The following DDX20 variants were observed in gnomAD, a reference collection of about 807,000 sequenced individuals.
DDX20 encodes the protein DEAD-box helicase 20.
In DDX20, 61 loss-of-function variants were observed where a neutral mutation model predicts 76.4. The observed-to-expected ratio is 0.80, with a 90% CI of 0.65 to 0.99. The LOEUF (loss-of-function observed/expected upper bound fraction) is 0.99. DDX20 is among the 50% of genes least tolerant of loss of function. The pLI is 0.00. For missense variants in DDX20, 976 were observed against 996.8 expected, an observed-to-expected ratio of 0.98 and a Z score of 0.28; for synonymous variants, 357 against 357.4, an observed-to-expected ratio of 1.00 and a Z score of 0.01.
intron 10 of DDX20, among the ~76,000 whole-genome samples, chr1:111,764,355 AAATAT>A (rs1243817382): frequency 6.6e-6 from 1 of 152,248 alleles, no homozygotes; most frequent in Non-Finnish European, 1.5e-5. Flanking sequence ...GTTATTGAAT[AAATAT>A]AATTGAGTAT....
chr1:111,766,156 C>T lies in DDX20; in HGVS notation c.1732C>T (p.Leu578=), dbSNP rs1663774253. ...TGTGTCACTCCCCCAGATTCCTTGT[C>T]TGTCTTCCTTTAAAATCCATCAGCC... ...LPVSLPQIPC[L]SSFKIHQPYT... The change falls in exon 11 of 11, where the codon CTG becomes TTG. Residue 578 remains leucine, a synonymous_variant. Coordinates refer to ENST00000369702, the MANE Select transcript of DDX20 (RefSeq NM_007204.5). 6.2e-7 allele frequency: 1 copy of T among 1,614,214 alleles called. No individual in the cohort carries two copies. The highest frequency in any genetic ancestry group is 8.5e-7 in the Non-Finnish European group (1 of 1,180,034).
rs1329134565 is a variant in DDX20, at chr1:111,756,242, G to A, written c.301+17G>A. 3.6e-6 allele frequency: 5 copies of A among 1,398,336 alleles called. No homozygotes were observed. Among genetic ancestry groups the A allele is most frequent in the Non-Finnish European group, 4.6e-6 (5 of 1,079,690 alleles). The allele number at this position is 1,398,336 out of a possible 1,614,324, so 86.6% of individuals were successfully genotyped here. On this transcript the variant is annotated intron_variant, in intron 1 of 10. Transcript: ENST00000369702. ...GCGGGCTCGGTGAGAGCGGGGGCCC[G>A]GGATAGGTCGGGGGGTGGGGTGGGA...
Position 111,759,583 on chromosome 1 carries a change from C to G in DDX20, c.565+15C>G. 8 of 1,605,810 alleles carry G rather than the reference C, an allele frequency of 5.0e-6. No individual in the cohort carries two copies. Among genetic ancestry groups the G allele is most frequent in the Non-Finnish European group, 6.8e-6 (8 of 1,176,430 alleles). On this transcript the variant is annotated intron_variant, in intron 3 of 10. Coordinates refer to ENST00000369702, the MANE Select transcript of DDX20 (RefSeq NM_007204.5). ...TGGATCTCCTGGTAAGATAACAATG[C>G]CTGTTGGTAACCAGGGCTTTTAAGG...
rs773533148 is a variant in DDX20, at chr1:111,762,659, T to C, written c.1105-18T>C. 1.3e-6 allele frequency: 2 copies of C among 1,592,486 alleles called. No homozygotes were observed. The highest frequency in any genetic ancestry group is 2.2e-5 in the East Asian group (1 of 44,776). On this transcript the variant is annotated intron_variant, in intron 8 of 10. Transcript: ENST00000369702. ...ATAGTTAATGCAAACAAATAATTGC[T>C]ATCTTCTTCAATTCAAGACTTCTCG... is the stretch of plus-strand genomic sequence containing the variant.
At chr1:111,763,374 C>G (rs540894554) in intron 10 of DDX20, among the ~76,000 whole-genome samples, 3 of 152,126 alleles carry the variant, frequency 2.0e-5, no homozygotes, top group African/African-American at 7.2e-5. Context: ...GAGTTCAAGA[C>G]GAGCCTGGTC....
intron 3 of DDX20, among the ~76,000 whole-genome samples, chr1:111,760,132 C>T (rs1254207560): frequency 6.6e-6 from 1 of 152,158 alleles, no homozygotes; most frequent in South Asian, 2.1e-4. Context: ...CAGTGACTTT[C>T]AGGAGGCCCT....
intron 1 of DDX20, 41 bp downstream of exon 1, chr1:111,756,266 G>GGGGAC: frequency 5.0e-5 from 42 of 842,436 alleles, no homozygotes; most frequent in Non-Finnish European, 6.3e-5. Flanking sequence ...GGTGGGGTGG[G>GGGGAC]AGAAGGGGGA....
rs1484606394 is a variant in DDX20, at chr1:111,766,753, T to C, written c.2329T>C (p.Trp777Arg). 7 of 1,614,200 alleles carry C rather than the reference T, an allele frequency of 4.3e-6. No homozygotes were observed. The East Asian group carries it at 6.7e-5, about 15-fold the overall frequency. The change falls in exon 11 of 11, where the codon TGG (tryptophan) becomes CGG (arginine). Residue 777 changes from tryptophan to arginine, a missense_variant. By Grantham distance (101) the Trp-to-Arg change is moderately radical. Coordinates refer to ENST00000369702, the MANE Select transcript of DDX20 (RefSeq NM_007204.5). ...TACCTATCAGGATTATGAGGAGTACTGGAGAGCTTACTACAGGGCATGGCA... is the reference window on the plus strand; with the variant it reads ...TACCTATCAGGATTATGAGGAGTACCGGAGAGCTTACTACAGGGCATGGCA... ...SDTYQDYEEY[W>R]RAYYRAWQEY...
At chr1:111,757,175 CTAAG>C (rs1441753067) in intron 2 of DDX20, among the ~76,000 whole-genome samples, 1 of 151,974 alleles carries the variant, frequency 6.6e-6, no homozygotes, top group Non-Finnish European at 1.5e-5. Context: ...ACCCATCTTC[CTAAG>C]TATTTGGGAC....
At chr1:111,762,437 C>G in intron 8 of DDX20, 100 bp downstream of exon 8, 1 of 973,070 alleles carries the variant, frequency 1.0e-6, no homozygotes, top group Non-Finnish European at 1.6e-6. Flanking sequence ...GCGTATCTAA[C>G]AAGAATACCA....
rs779032046 is a variant in DDX20 at position 111,756,025 on chromosome 1, C to G, written c.101C>G (p.Pro34Arg). 2 of 1,609,510 alleles carry G rather than the reference C, an allele frequency of 1.2e-6. No homozygotes were observed. The highest frequency in any genetic ancestry group is 1.7e-6 in the Non-Finnish European group (2 of 1,178,334). ...CAGGTCCCGGCCCCAGAGCCAACAC[C>G]CGGGCCTGTGAGGATCCTGCGGACC... ...AVQVPAPEPT[P>R]GPVRILRTAQ... Residue 34 changes from proline (P) to arginine (R), a missense_variant, in exon 1 of 11, where the codon CCC (proline) becomes CGC (arginine). By Grantham distance (103) the Pro-to-Arg change is moderately radical (BLOSUM62 -2). Coordinates refer to ENST00000369702, the MANE Select transcript of DDX20 (RefSeq NM_007204.5).
intron 7 of DDX20, 72 bp downstream of exon 7, chr1:111,761,356 T>TA (rs1284675872): frequency 8.0e-6 from 10 of 1,249,214 alleles, no homozygotes; most frequent in Non-Finnish European, 1.1e-5. Context: ...GAGGAAAAAA[T>TA]ACCACTTTAT....
chr1:111,766,451 G>A lies in DDX20; in HGVS notation c.2027G>A (p.Gly676Asp). 1.2e-6 allele frequency: 2 copies of A among 1,614,118 alleles called. No homozygotes were observed. Among genetic ancestry groups the A allele is most frequent in the Non-Finnish European group, 1.7e-6 (2 of 1,180,014 alleles). Residue 676 changes from glycine to aspartate, a missense_variant, in exon 11 of 11, where the codon GGC becomes GAC. By Grantham distance (94) the Gly-to-Asp change is moderately conservative. This residue lies in a region of DDX20 where 630 missense variants were observed against 693.7 expected (regional missense o/e 0.91). Transcript: ENST00000369702. ...AAAGGAAATAAGTCATACTTGGAAG[G>A]CTCTTCTGATAATCAGCTGAAAGAC... ...QSKGNKSYLE[G>D]SSDNQLKDSE...
intron 1 of DDX20, 90 bp from the exon 2 acceptor site, chr1:111,756,556 A>C (rs1190386317): frequency 1.8e-6 from 2 of 1,113,522 alleles, no homozygotes; most frequent in East Asian, 4.9e-5. Flanking sequence ...GGGGAATCTC[A>C]GGAGACCCTT....
rs1469078185 is a variant in DDX20 at position 111,766,963 on chromosome 1, C to T, written c.*64C>T. 4 of 1,338,190 alleles carry T rather than the reference C, an allele frequency of 3.0e-6. No homozygotes were observed. The African/African-American group carries it at 5.8e-5, about 19-fold the overall frequency. 82.9% of individuals were successfully genotyped at this position (1,338,190 alleles called of 1,614,324 possible). On this transcript the variant is annotated 3_prime_UTR_variant, in exon 11 of 11. Transcript: ENST00000369702. ...AATGATACCTTTGGATATCCATCCTCCTCGACTTATAGTACAGTGGTGTAT... is the reference window on the plus strand; with the variant it reads ...AATGATACCTTTGGATATCCATCCTTCTCGACTTATAGTACAGTGGTGTAT...
chr1:111,764,597 A>G (rs188502579), intron 10 of DDX20, among the ~76,000 whole-genome samples: 35 of 152,336 alleles, frequency 2.3e-4, no homozygotes, highest in Non-Finnish European at 4.0e-4. Context: ...GTATAAGTCT[A>G]TTCGTAGTCT....
At chr1:111,756,783 C>A in intron 2 of DDX20, 43 bp downstream of exon 2, 1 of 1,472,958 alleles carries the variant, frequency 6.8e-7, no homozygotes, top group Non-Finnish European at 9.5e-7. Context: ...GTTTTGTGGA[C>A]TTTACCACAG....
intron 2 of DDX20, among the ~76,000 whole-genome samples, chr1:111,758,664 C>T (rs1023404807): frequency 6.6e-6 from 1 of 152,142 alleles, no homozygotes; most frequent in Non-Finnish European, 1.5e-5. Context: ...ATGCCATTCA[C>T]GTAGGTCTCT....
intron 5 of DDX20, 40 bp from the exon 6 acceptor site, chr1:111,760,947 A>C: frequency 6.2e-7 from 1 of 1,605,490 alleles, no homozygotes; most frequent in South Asian, 1.1e-5. Context: ...GGTTACCATT[A>C]GCATATATAT....
Sources: gnomAD v4.1 joint callset for allele counts (sites outside exome capture counted in the v4.1 genomes callset) on GRCh38, gnomAD v4.1.1 for gene constraint, gnomAD v4.1.1 regional missense constraint, MANE v1.5 for transcripts, NCBI Gene and HGNC (gene_info 2026-07-23, HGNC 2026-07-21) for gene names.